Variants in TTLL11 observed in about 807,000 individuals in gnomAD.
TTLL11 encodes the protein tubulin polyglutamylase TTLL11.
A neutral mutation model predicts 51.7 loss-of-function variants in TTLL11; 42 were observed. The observed-to-expected ratio is 0.81, with a 90% CI of 0.64 to 1.05. TTLL11 has a LOEUF of 1.05. Among genes scored for constraint, TTLL11 ranks in the 50% least tolerant of loss-of-function variants. The pLI is 0.00. For missense variants in TTLL11, 799 were observed against 940.4 expected (o/e 0.85, Z 1.97); for synonymous variants, 381 against 383.5 (o/e 0.99, Z 0.08).
chr9:121,914,689 C>A (rs1207789836), intron 6 of TTLL11, among the ~76,000 whole-genome samples: 2 of 152,212 alleles, frequency 1.3e-5, no homozygotes, highest in African/African-American at 4.8e-5. Context: ...CCCCCTCCAT[C>A]CTCATTGGAC....
At chr9:122,040,300 C>A in intron 1 of TTLL11, 1 of 965,854 alleles carries the variant, frequency 1.0e-6, no homozygotes, top group Non-Finnish European at 1.2e-6. Context: ...CTGAGAATAC[C>A]TTTTTGGTCT....
chr9:122,004,500 C>T (rs549321868), intron 3 of TTLL11, among the ~76,000 whole-genome samples: 2 of 152,272 alleles, frequency 1.3e-5, no homozygotes, highest in South Asian at 4.1e-4. Context: ...CAGGCATGCA[C>T]CACCATGCCC....
intron 4 of TTLL11, among the ~76,000 whole-genome samples, chr9:121,979,571 C>T (rs543299261): frequency 2.0e-5 from 3 of 152,126 alleles, no homozygotes; most frequent in East Asian, 1.9e-4. Flanking sequence ...AACACCTGCA[C>T]ACTCTACTGC....
chr9:121,893,710 C>A (rs1406799101), intron 6 of TTLL11, among the ~76,000 whole-genome samples: 1 of 152,114 alleles, frequency 6.6e-6, no homozygotes, highest in Admixed American at 6.5e-5. Flanking sequence ...CCACAGAGAG[C>A]TGTAGGTAAG....
At chr9:121,847,773 G>A (rs1837559166) in intron 8 of TTLL11, among the ~76,000 whole-genome samples, 1 of 152,164 alleles carries the variant, frequency 6.6e-6, no homozygotes, top group Admixed American at 6.5e-5. Context: ...GAATACAGAA[G>A]CAGAGAAAAC....
rs114730416 is a variant in TTLL11 at position 121,821,071 on chromosome 9, A to G, written c.*1516T>C. Among the ~76,000 whole-genome samples, 2,954 of 152,136 alleles carry G rather than the reference A, an allele frequency of 0.019. 53 individuals carry two copies. Among genetic ancestry groups the G allele is most frequent in the African/African-American group, 0.048 (1,997 of 41,510 alleles). ...GCCCCTGCTCTGAAATCGCTTGCCA[A>G]CAATTGGAGACATCTTGGATTAACA... On this transcript the variant is annotated 3_prime_UTR_variant, in exon 9 of 9. Coordinates refer to ENST00000321582, the MANE Select transcript of TTLL11 (RefSeq NM_001139442.2). The surrounding 1 kb of genome is among the most constrained non-coding windows in gnomAD (Gnocchi z 5.0).
intron 6 of TTLL11, among the ~76,000 whole-genome samples, chr9:121,913,749 G>A (rs115982635): frequency 6.6e-6 from 1 of 152,270 alleles, no homozygotes; most frequent in African/African-American, 2.4e-5. Flanking sequence ...TCTCTGCCCA[G>A]TGCTTGTATT....
rs545887690 is a variant in TTLL11, at chr9:121,822,262, G to A, written c.*325C>T. On this transcript the variant is annotated 3_prime_UTR_variant, in exon 9 of 9. Transcript: ENST00000321582. This position sits in a 1 kb window ranked among gnomAD's most constrained non-coding sequence, Gnocchi z 5.8. ...GGCCTTGGGATCGATTGTGTCCTGT[G>A]CCCCAAATACAACAGATTTGCCCCA... 2 of 184,150 alleles carry A rather than the reference G, an allele frequency of 1.1e-5. No individual in the cohort carries two copies. The highest frequency in any genetic ancestry group is 1.4e-4 in the East Asian group (1 of 7,394). 11.4% of individuals were successfully genotyped at this position (184,150 alleles called of 1,614,324 possible).
intron 2 of TTLL11, 46 bp downstream of exon 2, chr9:122,039,226 C>T (rs750294218): frequency 8.0e-6 from 12 of 1,509,042 alleles, no homozygotes; most frequent in Admixed American, 6.8e-5. Flanking sequence ...GTATCTGAGA[C>T]TTGGCCCTAG....
intron 2 of TTLL11, among the ~76,000 whole-genome samples, chr9:122,038,109 A>C (rs1307885797): frequency 6.6e-6 from 1 of 152,206 alleles, no homozygotes; most frequent in Non-Finnish European, 1.5e-5. Context: ...AAACTTGCTT[A>C]AGGTTTGGGA....
intron 6 of TTLL11, among the ~76,000 whole-genome samples, chr9:121,901,865 C>T (rs895101415): frequency 2.0e-5 from 3 of 152,182 alleles, no homozygotes; most frequent in Non-Finnish European, 4.4e-5. Flanking sequence ...GCTGTGTTTC[C>T]TCATTACTTT....
Position 121,934,584 on chromosome 9 carries a change from CA to C in TTLL11, c.1481+39424del, listed in dbSNP as rs1312806218. 1.1e-4 allele frequency among the ~76,000 whole-genome samples: 17 copies of C among 152,298 alleles called. 1 individual carries two copies. Among genetic ancestry groups the C allele is most frequent in the Admixed American group, 5.9e-4 (9 of 15,302 alleles). On this transcript the variant is annotated intron_variant, in intron 6 of 8. Coordinates refer to ENST00000321582, the MANE Select transcript of TTLL11 (RefSeq NM_001139442.2). ...TCGAAGTGAAAAGCTCACTTAGTTTCAGGAACATGTCTACAAATGTCCAAAC... is the reference window on the plus strand; with the variant it reads ...TCGAAGTGAAAAGCTCACTTAGTTTCGGAACATGTCTACAAATGTCCAAAC...
intron 1 of TTLL11, among the ~76,000 whole-genome samples, chr9:122,067,175 C>T (rs991369193): frequency 1.3e-5 from 2 of 152,288 alleles, no homozygotes; most frequent in Middle Eastern, 3.4e-3. Context: ...GTGAACCCAT[C>T]CCCTTCTTTG....
intron 1 of TTLL11, among the ~76,000 whole-genome samples, chr9:122,084,506 G>A (rs1172651919): frequency 3.3e-5 from 5 of 152,152 alleles, no homozygotes; most frequent in Non-Finnish European, 1.5e-5. Context: ...TAACCTCTGT[G>A]GAGGAATCTC....
At chr9:122,070,543 C>T (rs1248266657) in intron 1 of TTLL11, among the ~76,000 whole-genome samples, 2 of 152,078 alleles carry the variant, frequency 1.3e-5, no homozygotes, top group African/African-American at 2.4e-5. Context: ...TGTGACACCC[C>T]GAGGAAGAAT....
At position 122,084,477 on chromosome 9, in the gene TTLL11, G is replaced by A. The variant is rs765440856; in HGVS notation, c.462+8210C>T. The stretch of plus-strand genomic sequence containing the variant: ...CCTCCTGGAATAGAGAAACCTAATC[G>A]TTCTCTCCAGCAAAACAATAACCTC... On this transcript the variant is annotated intron_variant, in intron 1 of 8. Transcript: ENST00000321582. Among the ~76,000 whole-genome samples the A allele has an allele frequency of 3.9e-5, 6 of 152,212 alleles. No individual in the cohort carries two copies. The East Asian group carries it at 7.7e-4, about 20-fold the overall frequency.
chr9:122,053,494 C>T (rs969798920), intron 1 of TTLL11, among the ~76,000 whole-genome samples: 1 of 152,064 alleles, frequency 6.6e-6, no homozygotes, highest in East Asian at 1.9e-4. Flanking sequence ...GGGCAAGCTG[C>T]GGAGCTGGAG....
intron 8 of TTLL11, among the ~76,000 whole-genome samples, chr9:121,845,893 A>G (rs140157254): frequency 6.6e-6 from 1 of 152,322 alleles, no homozygotes; most frequent in African/African-American, 2.4e-5. Flanking sequence ...GCAAGCTGTT[A>G]CAAACATTGA....
chr9:122,056,013 C>T (rs374707267), intron 1 of TTLL11, among the ~76,000 whole-genome samples: 51 of 152,356 alleles, frequency 3.3e-4, no homozygotes, highest in African/African-American at 1.2e-3. Flanking sequence ...AAGCCTATTT[C>T]CCCATTTGCC....
Sources: allele counts gnomAD v4.1 joint callset (sites outside exome capture counted in the v4.1 genomes callset), GRCh38; gene constraint gnomAD v4.1.1; non-coding constraint Gnocchi (gnomAD v3.1); transcripts MANE v1.5; gene names NCBI Gene and HGNC (gene_info 2026-07-23, HGNC 2026-07-21).